The following SLC2A13 variants were observed in gnomAD, a reference collection of about 807,000 sequenced individuals.
SLC2A13 encodes proton myo-inositol cotransporter.
Under a neutral mutation model 64.4 loss-of-function variants are expected in SLC2A13, and 32 were observed. The observed-to-expected ratio is 0.50, with a 90% confidence interval of 0.37 to 0.67. SLC2A13 has a LOEUF of 0.67. Among genes scored for constraint, SLC2A13 ranks in the 30% least tolerant of loss-of-function variants. The pLI is 0.00. For missense variants in SLC2A13, 743 were observed against 829.2 expected (o/e 0.90, Z 1.28); for synonymous variants, 338 against 327.1 (o/e 1.03, Z -0.36).
At chr12:39,858,888 G>A (rs1943678949) in intron 6 of SLC2A13, among the ~76,000 whole-genome samples, 1 of 152,172 alleles carries the variant, frequency 6.6e-6, no homozygotes, top group Non-Finnish European at 1.5e-5. Flanking sequence ...TTACAGGTGT[G>A]ACGCACCGTG....
At chr12:39,906,789 T>C (rs932693089) in intron 4 of SLC2A13, among the ~76,000 whole-genome samples, 11 of 152,126 alleles carry the variant, frequency 7.2e-5, no homozygotes, top group African/African-American at 2.4e-4. Context: ...TTATTTTAAA[T>C]TGAACGTTGA....
chr12:39,863,894 T>A (rs571953764), intron 6 of SLC2A13, among the ~76,000 whole-genome samples: 6 of 152,218 alleles, frequency 3.9e-5, no homozygotes, highest in Non-Finnish European at 8.8e-5. Flanking sequence ...TGTTTTAATT[T>A]CATATAGGGT....
At chr12:39,993,166 G>A (rs377240872) in intron 3 of SLC2A13, among the ~76,000 whole-genome samples, 2 of 152,182 alleles carry the variant, frequency 1.3e-5, no homozygotes, top group East Asian at 1.9e-4. Flanking sequence ...AATATAAAAC[G>A]TTTTATTTCA....
chr12:39,894,203 A>G (rs1329295146), intron 4 of SLC2A13, among the ~76,000 whole-genome samples: 1 of 152,130 alleles, frequency 6.6e-6, no homozygotes, highest in Non-Finnish European at 1.5e-5. Flanking sequence ...GCAAACTTTC[A>G]AGTGTCTTCA....
At chr12:39,806,807 G>A (rs1328161897) in intron 7 of SLC2A13, among the ~76,000 whole-genome samples, 1 of 152,138 alleles carries the variant, frequency 6.6e-6, no homozygotes, top group African/African-American at 2.4e-5. Flanking sequence ...ATTTGTAGGA[G>A]TTAAAATTGG....
intron 1 of SLC2A13, among the ~76,000 whole-genome samples, chr12:40,083,624 C>A (rs1938489759): frequency 6.6e-6 from 1 of 152,210 alleles, no homozygotes; most frequent in Non-Finnish European, 1.5e-5. Flanking sequence ...GGATGGGGAA[C>A]TCCTCCCATA....
intron 9 of SLC2A13, among the ~76,000 whole-genome samples, chr12:39,764,233 A>C (rs1940266336): frequency 6.6e-6 from 1 of 152,036 alleles, no homozygotes; most frequent in Non-Finnish European, 1.5e-5. Context: ...GTTGGGTGAC[A>C]GCCCTAAGCA....
intron 3 of SLC2A13, among the ~76,000 whole-genome samples, chr12:39,975,068 C>T (rs753787406): frequency 1.3e-5 from 2 of 152,150 alleles, no homozygotes; most frequent in Non-Finnish European, 2.9e-5. Flanking sequence ...TGAGCAAATG[C>T]TTTTGCTAGG....
intron 1 of SLC2A13, among the ~76,000 whole-genome samples, chr12:40,077,328 A>G (rs530249832): frequency 4.5e-4 from 69 of 152,234 alleles, no homozygotes; most frequent in African/African-American, 1.6e-3. Context: ...TGATTTTTGT[A>G]TATGAAGAAA....
chr12:39,900,259 C>G (rs538056321), intron 4 of SLC2A13, among the ~76,000 whole-genome samples: 93 of 152,194 alleles, frequency 6.1e-4, no homozygotes, highest in African/African-American at 1.9e-3. Flanking sequence ...AAACTGGAAG[C>G]ATTCCCTTTG....
chr12:39,869,741 G>A (rs969570131), intron 5 of SLC2A13, among the ~76,000 whole-genome samples: 1 of 152,154 alleles, frequency 6.6e-6, no homozygotes, highest in Non-Finnish European at 1.5e-5. Context: ...CATGACATAG[G>A]CCAGAAGAGT....
At chr12:40,043,406 G>C (rs571447649) in intron 2 of SLC2A13, among the ~76,000 whole-genome samples, 2 of 152,014 alleles carry the variant, frequency 1.3e-5, no homozygotes, top group Non-Finnish European at 2.9e-5. Context: ...GAGGCAGGTG[G>C]CTCACTTGAG....
rs191485892 is a variant in SLC2A13, at chr12:40,014,772, C to T, written c.925+13529G>A. Among the ~76,000 whole-genome samples, 267 of 152,322 alleles carry T rather than the reference C, an allele frequency of 1.8e-3. 1 individual carries two copies. The highest frequency in any genetic ancestry group is 2.9e-3 in the Non-Finnish European group (197 of 68,018). ...CCTGCCGAAGTACTGGGATTACAGG[C>T]GTGAGCCACCACGCCAGCCAAAAGA... On this transcript the variant is annotated intron_variant, in intron 3 of 9. Coordinates refer to ENST00000280871, the MANE Select transcript of SLC2A13 (RefSeq NM_052885.4).
chr12:40,087,909 AATAACT>A, intron 1 of SLC2A13, among the ~76,000 whole-genome samples: 1 of 152,216 alleles, frequency 6.6e-6, no homozygotes, highest in South Asian at 2.1e-4. Context: ...TATAAGTACA[AATAACT>A]ATAATTTATA....
At chr12:39,898,575 G>A (rs1447985690) in intron 4 of SLC2A13, among the ~76,000 whole-genome samples, 1 of 152,038 alleles carries the variant, frequency 6.6e-6, no homozygotes, top group Non-Finnish European at 1.5e-5. Context: ...TTGTCTTTAG[G>A]GACATTTTTA....
intron 3 of SLC2A13, among the ~76,000 whole-genome samples, chr12:39,991,267 A>G (rs1565579565): frequency 1.3e-5 from 2 of 152,108 alleles, no homozygotes; most frequent in African/African-American, 4.8e-5. Flanking sequence ...TCAATCTTAT[A>G]TCTGGGTTAA....
chr12:39,819,401 A>T (rs984083341), intron 7 of SLC2A13, among the ~76,000 whole-genome samples: 1 of 152,150 alleles, frequency 6.6e-6, no homozygotes, highest in Non-Finnish European at 1.5e-5. Flanking sequence ...TTAAATATTT[A>T]CAGATTTACA....
intron 6 of SLC2A13, among the ~76,000 whole-genome samples, chr12:39,858,243 A>C (rs1943659469): frequency 1.3e-5 from 2 of 152,186 alleles, no homozygotes; most frequent in Non-Finnish European, 2.9e-5. Flanking sequence ...GATGAGATTT[A>C]TGTGGACTTT....
At chr12:39,827,045 C>G (rs943925866) in intron 7 of SLC2A13, among the ~76,000 whole-genome samples, 2 of 151,110 alleles carry the variant, frequency 1.3e-5, no homozygotes, top group Non-Finnish European at 2.9e-5. Flanking sequence ...TTTGCACCAG[C>G]CTGATACTCT....
Sources: gnomAD v4.1 joint callset for allele counts (sites outside exome capture counted in the v4.1 genomes callset) on GRCh38, gnomAD v4.1.1 for gene constraint, MANE v1.5 for transcripts, NCBI Gene and HGNC (gene_info 2026-07-23, HGNC 2026-07-21) for gene names.